The following LIN9 variants were observed in gnomAD, a reference collection of about 807,000 sequenced individuals.
LIN9 encodes the protein lin-9 DREAM MuvB core complex component.
A neutral mutation model predicts 78.0 loss-of-function variants in LIN9; 18 were observed. The ratio of observed to expected loss-of-function variants is 0.23; its 90% CI spans 0.16 to 0.34. LIN9 has a LOEUF of 0.34. LIN9 is among the 10% of genes least tolerant of loss of function. The pLI, the probability that LIN9 is intolerant of heterozygous loss-of-function variation, is 1.00. For synonymous variants in LIN9, 192 were observed against 215.2 expected (o/e 0.89, Z 0.94); for missense variants, 451 against 644.1 (o/e 0.70, Z 3.25).
At chr1:226,294,021 C>G (rs909971796) in intron 4 of LIN9, among the ~76,000 whole-genome samples, 3 of 151,936 alleles carry the variant, frequency 2.0e-5, no homozygotes. Flanking sequence ...AATGCTAAGT[C>G]CTTGGGTCAG....
At chr1:226,272,708 G>A (rs1418762701) in intron 7 of LIN9, among the ~76,000 whole-genome samples, 1 of 151,900 alleles carries the variant, frequency 6.6e-6, no homozygotes. Context: ...TAGGCTCCTA[G>A]ATTGATTGTA....
intron 10 of LIN9, among the ~76,000 whole-genome samples, chr1:226,258,947 G>T (rs192910697): frequency 4.9e-5 from 7 of 142,922 alleles, no homozygotes; most frequent in Non-Finnish European, 9.0e-5. Flanking sequence ...TGAGAAAGGG[G>T]TCAATGTTCC....
intron 4 of LIN9, among the ~76,000 whole-genome samples, chr1:226,292,463 AATT>A (rs1661853942): frequency 6.6e-6 from 1 of 151,274 alleles, no homozygotes; most frequent in South Asian, 2.1e-4. Context: ...CAGAAACATA[AATT>A]ATTAAAACTG....
At chr1:226,247,582 A>G (rs1658564274) in intron 11 of LIN9, among the ~76,000 whole-genome samples, 1 of 152,124 alleles carries the variant, frequency 6.6e-6, no homozygotes, top group Non-Finnish European at 1.5e-5. Context: ...TCCCCAAGGA[A>G]AAAGCAACCC....
intron 11 of LIN9, among the ~76,000 whole-genome samples, chr1:226,243,906 GCT>G (rs1261689231): frequency 6.6e-6 from 1 of 150,912 alleles, no homozygotes; most frequent in Non-Finnish European, 1.5e-5. Flanking sequence ...ATGGAGTCTT[GCT>G]CTGTCGCCCA....
Position 226,265,399 on chromosome 1 carries a change from T to G in LIN9, c.1038+134A>C, listed in dbSNP as rs1350859274. The G allele has an allele frequency of 2.1e-6, 1 of 475,550 alleles. No individual in the cohort carries two copies. Among genetic ancestry groups the G allele is most frequent in the Non-Finnish European group, 3.8e-6 (1 of 265,738 alleles). 29.5% of individuals were successfully genotyped at this position (475,550 alleles called of 1,614,324 possible). A position where few individuals can be genotyped will look rare whatever the true frequency, so the allele number is the denominator to read the frequency against. On this transcript the variant is annotated intron_variant, in intron 10 of 14. Transcript: ENST00000681046. This position sits in a 1 kb window ranked among gnomAD's most constrained non-coding sequence, Gnocchi z 4.1. ...GTTTTTATAACTTTTATTTTCAGGC[T>G]TTGTTGGAAATAGCAGCTCTTAAAA... is the stretch of plus-strand genomic sequence containing the variant.
chr1:226,232,564 C>A lies in LIN9; in HGVS notation c.1566G>T (p.Gln522His). 6.2e-7 allele frequency: 1 copy of A among 1,612,042 alleles called. No homozygotes were observed. The highest frequency in any genetic ancestry group is 1.3e-5 in the African/African-American group (1 of 75,002). Reference sequence around the variant, plus strand: ...AGTTTCCCATCTGGCTCAGGCCACTCTGAATATGTGCAACATGGATTTCTA... The same window carrying A: ...AGTTTCCCATCTGGCTCAGGCCACTATGAATATGTGCAACATGGATTTCTA... ...NNVEIHVAHI[Q>H]SGLSQMGNLH... The change falls in exon 15 of 15, where the codon CAG becomes CAT. Residue 522 changes from glutamine to histidine, a missense_variant. By Grantham distance (24) the Gln-to-His change is conservative (BLOSUM62 0). Coordinates refer to ENST00000681046, the MANE Select transcript of LIN9 (RefSeq NM_001366245.2).
intron 4 of LIN9, among the ~76,000 whole-genome samples, chr1:226,290,111 T>TA (rs776056572): frequency 2.0e-3 from 298 of 151,686 alleles, no homozygotes; most frequent in Non-Finnish European, 2.7e-3. Context: ...CTATAAACTC[T>TA]AAAAAAAATT....
upstream of LIN9, chr1:226,309,607 C>G: frequency 8.0e-7 from 1 of 1,248,724 alleles, no homozygotes. Context: ...GGGGGCTCTA[C>G]GCAAAGTGAA....
chr1:226,254,678 G>A (rs145724069), intron 10 of LIN9, among the ~76,000 whole-genome samples: 4 of 152,126 alleles, frequency 2.6e-5, no homozygotes, highest in South Asian at 2.1e-4. Flanking sequence ...TTGGGAGGAC[G>A]AGACGGGCGG....
intron 9 of LIN9, 100 bp downstream of exon 9, chr1:226,266,113 G>A: frequency 1.6e-6 from 1 of 619,154 alleles, no homozygotes; most frequent in Non-Finnish European, 2.5e-6. Flanking sequence ...AAAATAGTGT[G>A]CATACTTTGA....
At position 226,309,069 on chromosome 1, in the gene LIN9, C is replaced by T. The variant is rs545204524; in HGVS notation, c.31+40G>A. 7 of 1,307,706 alleles carry T rather than the reference C, an allele frequency of 5.4e-6. No individual in the cohort carries two copies. In the Admixed American group the frequency reaches 9.2e-5, roughly 17 times the overall value. The allele number at this position is 1,307,706 out of a possible 1,614,324, so 81.0% of individuals were successfully genotyped here. ...GCCGGTGCAACCGCTGGGCAAGCAG[C>T]AGGCGGGAAAAGGGGGGGGTGCTTT... On this transcript the variant is annotated intron_variant, in intron 1 of 14. Coordinates refer to ENST00000681046, the MANE Select transcript of LIN9 (RefSeq NM_001366245.2).
At chr1:226,286,285 C>T (rs750196141) in intron 6 of LIN9, 48 bp downstream of exon 6, 51 of 1,582,616 alleles carry the variant, frequency 3.2e-5, no homozygotes, top group Non-Finnish European at 3.8e-5. Flanking sequence ...ACATGCACTG[C>T]TACTGGCTTG....
chr1:226,287,849 A>G, intron 4 of LIN9, 52 bp from the exon 5 acceptor site: 1 of 1,307,384 alleles, frequency 7.6e-7, no homozygotes, highest in Admixed American at 2.7e-5. Context: ...GTAAAAATGA[A>G]CATTTATAAC....
chr1:226,287,638 T>C (rs1446619401), intron 5 of LIN9, 26 bp downstream of exon 5: 1 of 1,454,484 alleles, frequency 6.9e-7, no homozygotes, highest in Admixed American at 2.6e-5. Context: ...TCAAGTAATA[T>C]TCATAATATA....
intron 6 of LIN9, among the ~76,000 whole-genome samples, chr1:226,282,841 C>CA (rs1383782284): frequency 3.3e-5 from 5 of 151,720 alleles, no homozygotes; most frequent in South Asian, 2.1e-4. Flanking sequence ...AAACAAAAAA[C>CA]AAAAAAAACT....
At chr1:226,280,976 T>C (rs987088188) in intron 6 of LIN9, among the ~76,000 whole-genome samples, 3 of 152,194 alleles carry the variant, frequency 2.0e-5, no homozygotes, top group Non-Finnish European at 2.9e-5. Context: ...CCCATGTTTA[T>C]TGTAGCACTA....
At chr1:226,300,014 C>T (rs962059779) in intron 2 of LIN9, among the ~76,000 whole-genome samples, 1 of 151,284 alleles carries the variant, frequency 6.6e-6, no homozygotes, top group African/African-American at 2.4e-5. Flanking sequence ...TCTTGGCTTA[C>T]GGCAATCTCT....
In LIN9 at chr1:226,232,197, T is replaced by A; in HGVS notation, c.*304A>T. ...GTGAATTCATGCACATTAAAAAAAA[T>A]GGTCAATGTATTCTTCCACGAAATT... On this transcript the variant is annotated 3_prime_UTR_variant, in exon 15 of 15. Coordinates refer to ENST00000681046, the MANE Select transcript of LIN9 (RefSeq NM_001366245.2). The A allele has an allele frequency of 5.0e-6, 2 of 400,264 alleles. No homozygotes were observed. The highest frequency in any genetic ancestry group is 8.8e-6 in the Non-Finnish European group (2 of 226,936). The allele number at this position is 400,264 out of a possible 1,614,324, so 24.8% of individuals were successfully genotyped here.
Sources: allele counts gnomAD v4.1 joint callset (sites outside exome capture counted in the v4.1 genomes callset), GRCh38; gene constraint gnomAD v4.1.1; non-coding constraint Gnocchi (gnomAD v3.1); transcripts MANE v1.5; gene names NCBI Gene and HGNC (gene_info 2026-07-23, HGNC 2026-07-21).